Variants in ADAMTSL1 observed in about 807,000 individuals in gnomAD.
The protein encoded by ADAMTSL1 is ADAMTS like 1.
ADAMTSL1 carries 126 observed loss-of-function variants against 201.8 expected under a neutral mutation model. The ratio of observed to expected loss-of-function variants is 0.62; its 90% CI spans 0.54 to 0.72. The LOEUF (loss-of-function observed/expected upper bound fraction) is 0.72, where lower values mean the gene tolerates loss of function less well. Ranked by LOEUF, ADAMTSL1 falls within the 30% of genes least tolerant of loss-of-function variation. The probability of loss-of-function intolerance (pLI) is 0.00; values close to 1 mark genes in which losing one functional copy is unlikely to be tolerated. For missense variants in ADAMTSL1, 2,679 were observed against 2,277.8 expected, an observed-to-expected ratio of 1.18 and a Z score of -3.59; for synonymous variants, 1,121 against 903.4, an observed-to-expected ratio of 1.24 and a Z score of -4.32.
intron 2 of ADAMTSL1, among the ~76,000 whole-genome samples, chr9:18,165,123 T>C (rs1412211246): frequency 6.6e-6 from 1 of 151,894 alleles, no homozygotes; most frequent in East Asian, 1.9e-4. Context: ...TTCTTTGTGA[T>C]CTACTGTGGA....
At chr9:18,032,323 C>T (rs1325234069) in intron 1 of ADAMTSL1, among the ~76,000 whole-genome samples, 6 of 152,186 alleles carry the variant, frequency 3.9e-5, no homozygotes, top group Non-Finnish European at 7.3e-5. Context: ...GTAGTGTGCT[C>T]GAATCCTAGA....
At chr9:18,359,959 T>C (rs1460347101) in intron 2 of ADAMTSL1, among the ~76,000 whole-genome samples, 1 of 151,994 alleles carries the variant, frequency 6.6e-6, no homozygotes, top group African/African-American at 2.4e-5. Context: ...TCTATGGCAA[T>C]AATACTAATA....
chr9:18,182,620 A>C (rs1186278090), intron 2 of ADAMTSL1, among the ~76,000 whole-genome samples: 1 of 152,194 alleles, frequency 6.6e-6, no homozygotes, highest in African/African-American at 2.4e-5. Context: ...GCAGAGTGGC[A>C]GGTAGTGATA....
intron 2 of ADAMTSL1, among the ~76,000 whole-genome samples, chr9:18,235,396 G>C (rs575640165): frequency 2.0e-5 from 3 of 152,150 alleles, no homozygotes; most frequent in East Asian, 3.9e-4. Context: ...ATGATGTCAA[G>C]CTTCATCACT....
chr9:18,054,639 T>C (rs1179493659), intron 1 of ADAMTSL1, among the ~76,000 whole-genome samples: 1 of 152,208 alleles, frequency 6.6e-6, no homozygotes, highest in Admixed American at 6.5e-5. Flanking sequence ...CAGTTTACAG[T>C]TAAAGGGACC....
At chr9:18,448,684 C>T (rs1237598992) in intron 2 of ADAMTSL1, among the ~76,000 whole-genome samples, 2 of 152,066 alleles carry the variant, frequency 1.3e-5, no homozygotes, top group African/African-American at 4.8e-5. Context: ...GGACATTTAT[C>T]TCATTTTCTT....
chr9:18,205,441 T>C (rs10963514), intron 2 of ADAMTSL1, among the ~76,000 whole-genome samples: 27,239 of 151,958 alleles, frequency 0.18, 2,514 homozygotes, highest in South Asian at 0.26. Context: ...AATACAGTAA[T>C]GGATTTATGT....
At chr9:18,466,799 A>T (rs1488329060) in intron 2 of ADAMTSL1, among the ~76,000 whole-genome samples, 1 of 152,150 alleles carries the variant, frequency 6.6e-6, no homozygotes, top group African/African-American at 2.4e-5. Flanking sequence ...AGTTCATGTT[A>T]GCAAATATAA....
chr9:18,483,711 C>T (rs1249149204), intron 1 of ADAMTSL1, among the ~76,000 whole-genome samples: 1 of 152,088 alleles, frequency 6.6e-6, no homozygotes, highest in Admixed American at 6.5e-5. Flanking sequence ...CCTGTAGTCC[C>T]AGCTACTCGG....
At chr9:18,096,412 A>G (rs1012475591) in intron 1 of ADAMTSL1, among the ~76,000 whole-genome samples, 1 of 152,204 alleles carries the variant, frequency 6.6e-6, no homozygotes, top group African/African-American at 2.4e-5. Flanking sequence ...AACTTTCTGC[A>G]GCAATGGAAA....
intron 1 of ADAMTSL1, among the ~76,000 whole-genome samples, chr9:17,974,619 A>T (rs1483873244): frequency 6.6e-6 from 1 of 151,924 alleles, no homozygotes; most frequent in African/African-American, 2.4e-5. Context: ...TACAGTATTT[A>T]TCTTTCTGTG....
At chr9:18,485,563 A>G (rs918212737) in intron 1 of ADAMTSL1, among the ~76,000 whole-genome samples, 1 of 152,194 alleles carries the variant, frequency 6.6e-6, no homozygotes, top group African/African-American at 2.4e-5. Flanking sequence ...AATGGGAGGG[A>G]TGCTGGCATT....
rs1472869843 is a variant in ADAMTSL1 at position 18,777,475 on chromosome 9, G to C, written c.3246G>C (p.Leu1082=). The C allele has an allele frequency of 6.3e-7, 1 of 1,594,028 alleles. No individual in the cohort carries two copies. The change falls in exon 19 of 29, where the codon CTG becomes CTC. Residue 1082 remains leucine, a synonymous_variant. Coordinates refer to ENST00000380548, the MANE Select transcript of ADAMTSL1 (RefSeq NM_001040272.6). The stretch of plus-strand genomic sequence containing the variant: ...AGCAGCGGCGCCTGGACGACATCCT[G>C]GGGAACCTCTCCCAGCAGCCCGAGG... ...VTEQRRLDDI[L]GNLSQQPEEL...
chr9:18,304,328 G>T (rs1833823856), intron 2 of ADAMTSL1, among the ~76,000 whole-genome samples: 1 of 150,100 alleles, frequency 6.7e-6, no homozygotes, highest in Non-Finnish European at 1.5e-5. Flanking sequence ...GGGCCTCAAG[G>T]AATAGAGTTT....
chr9:18,547,220 A>G (rs1159304986), intron 3 of ADAMTSL1, among the ~76,000 whole-genome samples: 2 of 152,148 alleles, frequency 1.3e-5, no homozygotes, highest in African/African-American at 4.8e-5. Context: ...AGACAAAAAT[A>G]TAGATAGGAT....
intron 20 of ADAMTSL1, among the ~76,000 whole-genome samples, chr9:18,813,896 A>C (rs1021613222): frequency 5.9e-5 from 9 of 152,230 alleles, no homozygotes; most frequent in African/African-American, 2.2e-4. Context: ...TTCCAGATCT[A>C]AGAGGAAAAA....
intron 2 of ADAMTSL1, among the ~76,000 whole-genome samples, chr9:18,179,823 G>A (rs1287564914): frequency 4.6e-5 from 7 of 151,928 alleles, no homozygotes; most frequent in African/African-American, 1.7e-4. Flanking sequence ...ACAAGCAAAT[G>A]CTGAGAGATT....
chr9:18,811,167 A>G lies in ADAMTSL1; in HGVS notation c.3806-5942A>G, dbSNP rs192248616. Reference sequence around the variant, plus strand: ...CACCGAAAACAGTGTGTCCACCACTACCTGCACCAGCAAAGGCTGAGCAGG... The same window carrying G: ...CACCGAAAACAGTGTGTCCACCACTGCCTGCACCAGCAAAGGCTGAGCAGG... On this transcript the variant is annotated intron_variant, in intron 20 of 28. Coordinates refer to ENST00000380548, the MANE Select transcript of ADAMTSL1 (RefSeq NM_001040272.6). Among the ~76,000 whole-genome samples, 6 of 152,190 alleles carry G rather than the reference A, an allele frequency of 3.9e-5. 1 individual carries two copies. The East Asian group carries it at 1.2e-3, about 29-fold the overall frequency.
intron 1 of ADAMTSL1, among the ~76,000 whole-genome samples, chr9:18,483,263 T>G (rs1821819526): frequency 2.0e-5 from 3 of 152,238 alleles, no homozygotes; most frequent in Admixed American, 2.0e-4. Flanking sequence ...GATAATTTAA[T>G]TTAAAATAAA....
Sources: allele counts gnomAD v4.1 joint callset (sites outside exome capture counted in the v4.1 genomes callset), GRCh38; gene constraint gnomAD v4.1.1; transcripts MANE v1.5; gene names NCBI Gene and HGNC (gene_info 2026-07-23, HGNC 2026-07-21).